ENAH: variants seen among roughly 807,000 people sequenced by gnomAD.
ENAH encodes protein enabled homolog.
ENAH carries 23 observed loss-of-function variants against 78.7 expected under a neutral mutation model. The ratio of observed to expected loss-of-function variants is 0.29; its 90% CI spans 0.21 to 0.41. The LOEUF (loss-of-function observed/expected upper bound fraction) is 0.41. Ranked by LOEUF, ENAH falls within the 10% of genes least tolerant of loss-of-function variation. The pLI is 1.00. For missense variants in ENAH, 544 were observed against 691.0 expected (o/e 0.79, Z 2.39); for synonymous variants, 226 against 241.0 (o/e 0.94, Z 0.58).
intron 10 of ENAH, chr1:225,508,727 T>C (rs1442611509): frequency 1.3e-5 from 2 of 152,270 alleles, no homozygotes; most frequent in East Asian, 3.8e-4. Flanking sequence ...TCACTGATGC[T>C]GTCACTGGCC....
intron 3 of ENAH, among the ~76,000 whole-genome samples, chr1:225,553,574 GA>G (rs1262114937): frequency 0.011 from 1,429 of 125,252 alleles, 10 homozygotes; most frequent in African/African-American, 0.027. Context: ...AAGATATTAA[GA>G]AAAAAAAAAA....
chr1:225,648,264 T>A (rs1479459086), intron 1 of ENAH, among the ~76,000 whole-genome samples: 2 of 152,182 alleles, frequency 1.3e-5, no homozygotes, highest in Non-Finnish European at 2.9e-5. Context: ...ACCCTTTTAC[T>A]CCCCTACAAC....
intron 1 of ENAH, among the ~76,000 whole-genome samples, chr1:225,650,109 G>A (rs1237396301): frequency 2.0e-5 from 3 of 152,312 alleles, no homozygotes; most frequent in Admixed American, 6.5e-5. Flanking sequence ...GCACAAGAAC[G>A]TTTTATCCCA....
At chr1:225,603,382 A>T (rs1164771924) in intron 1 of ENAH, among the ~76,000 whole-genome samples, 2 of 152,162 alleles carry the variant, frequency 1.3e-5, no homozygotes, top group Non-Finnish European at 2.9e-5. Flanking sequence ...CCCTGAAATA[A>T]ATTGAAATAT....
chr1:225,526,336 CTCTT>C (rs1300773041), intron 4 of ENAH, among the ~76,000 whole-genome samples: 6 of 150,300 alleles, frequency 4.0e-5, no homozygotes, highest in Admixed American at 1.3e-4. Flanking sequence ...TTCTCTCTCT[CTCTT>C]TTTTTTTTTT....
rs2096228362 is a variant in ENAH at position 225,492,755 on chromosome 1, TTC to T, written c.*5018_*5019del. 6.6e-6 allele frequency: 1 copy of T among 152,246 alleles called. No homozygotes were observed. The highest frequency in any genetic ancestry group is 1.5e-5 in the Non-Finnish European group (1 of 68,048). 9.4% of individuals were successfully genotyped at this position (152,246 alleles called of 1,614,324 possible). A position where few individuals can be genotyped will look rare whatever the true frequency, so the allele number is the denominator to read the frequency against. On this transcript the variant is annotated 3_prime_UTR_variant, in exon 14 of 14. Transcript: ENST00000366843. ...GTAACGGGGACAGTCCTATTTCCCT[TTC>T]TCAATTTTCAGATGTATCGATTCCT... is the stretch of plus-strand genomic sequence containing the variant.
chr1:225,615,817 G>A (rs1283391459), intron 1 of ENAH, among the ~76,000 whole-genome samples: 4 of 151,910 alleles, frequency 2.6e-5, no homozygotes, highest in East Asian at 1.9e-4. Context: ...CCGCCACCCC[G>A]TCTGGGAGGT....
chr1:225,489,000 G>A lies in ENAH; in HGVS notation c.*8775C>T, dbSNP rs1275405601. On this transcript the variant is annotated 3_prime_UTR_variant, in exon 14 of 14. Coordinates refer to ENST00000366843, the MANE Select transcript of ENAH (RefSeq NM_018212.6). Reference sequence around the variant, plus strand: ...AAGATATAAAATAAGAAGGGCAGGAGGGTAAGATTATTCCTTTTTTCCTTT... The same window carrying A: ...AAGATATAAAATAAGAAGGGCAGGAAGGTAAGATTATTCCTTTTTTCCTTT... The A allele has an allele frequency of 6.6e-6, 1 of 152,328 alleles. No individual in the cohort carries two copies. The highest frequency in any genetic ancestry group is 3.4e-3 in the Middle Eastern group (1 of 294). The allele number at this position is 152,328 out of a possible 1,614,324, so 9.4% of individuals were successfully genotyped here. A position where few individuals can be genotyped will look rare whatever the true frequency, so the allele number is the denominator to read the frequency against.
intron 1 of ENAH, among the ~76,000 whole-genome samples, chr1:225,568,535 C>A (rs1251330941): frequency 6.6e-6 from 1 of 152,206 alleles, no homozygotes; most frequent in Non-Finnish European, 1.5e-5. Context: ...ACTTAACAGT[C>A]ATTAATGGAA....
chr1:225,523,004 T>G (rs1183459095), intron 4 of ENAH, among the ~76,000 whole-genome samples: 1 of 152,044 alleles, frequency 6.6e-6, no homozygotes, highest in African/African-American at 2.4e-5. Context: ...CTCCCACCCG[T>G]TTCCTACTCT....
intron 3 of ENAH, among the ~76,000 whole-genome samples, chr1:225,538,260 C>T (rs2096571870): frequency 6.6e-6 from 1 of 151,504 alleles, no homozygotes; most frequent in Admixed American, 6.6e-5. Flanking sequence ...AATGAGTTTA[C>T]GTTTGCTCAA....
At chr1:225,547,611 A>G (rs752299677) in intron 3 of ENAH, among the ~76,000 whole-genome samples, 10 of 152,068 alleles carry the variant, frequency 6.6e-5, no homozygotes, top group Non-Finnish European at 1.0e-4. Flanking sequence ...CTTTACTCAC[A>G]TTATCACTCT....
intron 1 of ENAH, among the ~76,000 whole-genome samples, chr1:225,578,727 T>A (rs969643550): frequency 1.8e-4 from 27 of 146,704 alleles, no homozygotes; most frequent in African/African-American, 6.6e-4. Flanking sequence ...TACAACTGTC[T>A]ATAAATATTT....
At chr1:225,523,024 T>G (rs1177840903) in intron 4 of ENAH, among the ~76,000 whole-genome samples, 2 of 152,116 alleles carry the variant, frequency 1.3e-5, no homozygotes, top group Non-Finnish European at 2.9e-5. Flanking sequence ...TTGCAGCTGT[T>G]TCTTACATTT....
intron 1 of ENAH, among the ~76,000 whole-genome samples, chr1:225,652,151 A>G (rs1351996042): frequency 7.4e-6 from 1 of 135,906 alleles, no homozygotes. Flanking sequence ...CCCTTCCCCC[A>G]CCATCGTGAA....
intron 1 of ENAH, among the ~76,000 whole-genome samples, chr1:225,617,362 C>G (rs1655953945): frequency 6.6e-6 from 1 of 152,116 alleles, no homozygotes; most frequent in African/African-American, 2.4e-5. Flanking sequence ...TTTCATACCA[C>G]AAAAGACGTT....
intron 1 of ENAH, among the ~76,000 whole-genome samples, chr1:225,568,833 T>C (rs1055422667): frequency 1.3e-5 from 2 of 152,206 alleles, no homozygotes; most frequent in Non-Finnish European, 1.5e-5. Flanking sequence ...CACTGAGTAA[T>C]AAAATTGCTT....
In ENAH at chr1:225,492,618, C is replaced by T. The variant is rs2096227548; in HGVS notation, c.*5157G>A. 6.6e-6 allele frequency: 1 copy of T among 152,132 alleles called. No homozygotes were observed. The highest frequency in any genetic ancestry group is 1.5e-5 in the Non-Finnish European group (1 of 68,018). The allele number at this position is 152,132 out of a possible 1,614,324, so 9.4% of individuals were successfully genotyped here. A position where few individuals can be genotyped will look rare whatever the true frequency, so the allele number is the denominator to read the frequency against. On this transcript the variant is annotated 3_prime_UTR_variant, in exon 14 of 14. Transcript: ENST00000366843. The stretch of plus-strand genomic sequence containing the variant: ...CTTTGGTTCAAACACTTAATTGGGG[C>T]TTCATCTTTGATTTTTTCTGCATGT...
intron 4 of ENAH, among the ~76,000 whole-genome samples, chr1:225,527,614 T>C (rs947201350): frequency 6.6e-6 from 1 of 152,122 alleles, no homozygotes; most frequent in African/African-American, 2.4e-5. Context: ...CAAAGAAAAA[T>C]GACAAATATC....
Sources: gnomAD v4.1 joint callset for allele counts (sites outside exome capture counted in the v4.1 genomes callset) on GRCh38, gnomAD v4.1.1 for gene constraint, MANE v1.5 for transcripts, NCBI Gene and HGNC (gene_info 2026-07-23, HGNC 2026-07-21) for gene names.